LRRIQ3: variants seen among roughly 807,000 people sequenced by gnomAD.
The protein encoded by LRRIQ3 is leucine rich repeats and IQ motif containing 3.
LRRIQ3 carries 75 observed loss-of-function variants against 59.3 expected under a neutral mutation model. The observed-to-expected ratio is 1.26, with a 90% CI of 1.05 to 1.53. LRRIQ3 has a LOEUF of 1.53. Among genes scored for constraint, LRRIQ3 ranks in the 40% most tolerant of loss-of-function variants. The pLI, the probability that LRRIQ3 is intolerant of heterozygous loss-of-function variation, is 0.00. For synonymous variants in LRRIQ3, 250 were observed against 231.3 expected, an observed-to-expected ratio of 1.08 and a Z score of -0.73; for missense variants, 831 against 710.0, an observed-to-expected ratio of 1.17 and a Z score of -1.94.
At chr1:74,066,696 T>C (rs1241650420) in intron 6 of LRRIQ3, among the ~76,000 whole-genome samples, 1 of 152,156 alleles carries the variant, frequency 6.6e-6, no homozygotes, top group Non-Finnish European at 1.5e-5. Flanking sequence ...GCTATTTGAT[T>C]ATAATAAAAG....
At chr1:74,044,292 G>C (rs1654134371) in intron 6 of LRRIQ3, among the ~76,000 whole-genome samples, 1 of 152,062 alleles carries the variant, frequency 6.6e-6, no homozygotes, top group Non-Finnish European at 1.5e-5. Context: ...GTTGGATATT[G>C]GGCCTAGTGA....
intron 6 of LRRIQ3, among the ~76,000 whole-genome samples, chr1:74,042,487 C>G (rs1030460383): frequency 2.3e-4 from 35 of 152,022 alleles, no homozygotes; most frequent in African/African-American, 8.5e-4. Context: ...AGCTTGACTG[C>G]TGTGATTGGC....
chr1:74,148,154 T>A (rs1349509038), intron 4 of LRRIQ3, among the ~76,000 whole-genome samples: 8 of 152,210 alleles, frequency 5.3e-5, no homozygotes, highest in African/African-American at 1.9e-4. Flanking sequence ...GTCCTTACAT[T>A]GACATCTGTA....
chr1:74,149,449 AT>A (rs1230283951), intron 4 of LRRIQ3, among the ~76,000 whole-genome samples: 2 of 152,116 alleles, frequency 1.3e-5, no homozygotes, highest in African/African-American at 4.8e-5. Context: ...AAAAATTGTA[AT>A]TTTTGATATA....
At chr1:74,124,585 C>G (rs1385579971) in intron 4 of LRRIQ3, among the ~76,000 whole-genome samples, 3 of 151,902 alleles carry the variant, frequency 2.0e-5, no homozygotes, top group Non-Finnish European at 4.4e-5. Flanking sequence ...TGCAGATACC[C>G]AATTTTCCCA....
chr1:74,154,922 C>T (rs1323236071), intron 4 of LRRIQ3, among the ~76,000 whole-genome samples: 1 of 152,152 alleles, frequency 6.6e-6, no homozygotes, highest in Non-Finnish European at 1.5e-5. Context: ...ATTCCTCATA[C>T]TTGTTTCTCT....
At chr1:74,152,934 T>C (rs1016714595) in intron 4 of LRRIQ3, among the ~76,000 whole-genome samples, 1 of 152,132 alleles carries the variant, frequency 6.6e-6, no homozygotes, top group Non-Finnish European at 1.5e-5. Context: ...TATATTAGCC[T>C]CCCCACCAAG....
Position 74,120,191 on chromosome 1 carries a change from C to T in LRRIQ3, c.708-10638G>A, listed in dbSNP as rs1253660935. Reference sequence around the variant, plus strand: ...GGAGTACAGTGGCGTGATCTCGGCTCACTGCAACCTCCGCCTCCTGGGTTC... The same window carrying T: ...GGAGTACAGTGGCGTGATCTCGGCTTACTGCAACCTCCGCCTCCTGGGTTC... On this transcript the variant is annotated intron_variant, in intron 4 of 7. Coordinates refer to ENST00000354431, the MANE Select transcript of LRRIQ3 (RefSeq NM_001105659.2). Among the ~76,000 whole-genome samples, 3 of 151,192 alleles carry T rather than the reference C, an allele frequency of 2.0e-5. No individual in the cohort carries two copies. In the East Asian group the frequency reaches 5.9e-4, roughly 29 times the overall value.
At chr1:74,124,792 T>C (rs1332974724) in intron 4 of LRRIQ3, among the ~76,000 whole-genome samples, 1 of 152,040 alleles carries the variant, frequency 6.6e-6, no homozygotes, top group Non-Finnish European at 1.5e-5. Flanking sequence ...TCAGGTAATA[T>C]GATTCCTCCT....
intron 6 of LRRIQ3, among the ~76,000 whole-genome samples, chr1:74,061,450 C>T (rs1305233017): frequency 6.6e-6 from 1 of 151,996 alleles, no homozygotes; most frequent in Admixed American, 6.6e-5. Flanking sequence ...TTTTAAAATT[C>T]GTATGGAACC....
chr1:74,080,251 T>A (rs573757475), intron 5 of LRRIQ3, among the ~76,000 whole-genome samples: 1 of 151,656 alleles, frequency 6.6e-6, no homozygotes, highest in South Asian at 2.1e-4. Context: ...CTATAATAGG[T>A]ATAGAAGTGG....
intron 5 of LRRIQ3, among the ~76,000 whole-genome samples, chr1:74,076,174 A>T (rs1042889191): frequency 9.9e-5 from 15 of 152,124 alleles, no homozygotes; most frequent in East Asian, 3.9e-4. Flanking sequence ...TTTACATATT[A>T]AAAAACTTTC....
chr1:74,092,311 T>A (rs971421083), intron 5 of LRRIQ3, among the ~76,000 whole-genome samples: 35 of 152,240 alleles, frequency 2.3e-4, no homozygotes, highest in African/African-American at 7.7e-4. Flanking sequence ...TGAACAAACA[T>A]ATTAGTATCA....
intron 5 of LRRIQ3, among the ~76,000 whole-genome samples, chr1:74,079,043 A>G (rs1439345601): frequency 6.6e-6 from 1 of 151,790 alleles, no homozygotes; most frequent in African/African-American, 2.4e-5. Flanking sequence ...TCTCTATTCT[A>G]CAGCTATAAT....
chr1:74,192,066 T>C (rs1364274562), intron 1 of LRRIQ3, among the ~76,000 whole-genome samples: 2 of 152,124 alleles, frequency 1.3e-5, no homozygotes, highest in Admixed American at 6.6e-5. Context: ...TCAGATTATA[T>C]GTAGGTTCTT....
At chr1:74,113,084 A>G (rs950968471) in intron 4 of LRRIQ3, among the ~76,000 whole-genome samples, 2 of 152,120 alleles carry the variant, frequency 1.3e-5, no homozygotes, top group African/African-American at 2.4e-5. Flanking sequence ...AATCAAATAC[A>G]TTTAAAGGCA....
At chr1:74,034,002 CT>C (rs1436762990) in intron 7 of LRRIQ3, among the ~76,000 whole-genome samples, 1 of 151,948 alleles carries the variant, frequency 6.6e-6, no homozygotes, top group African/African-American at 2.4e-5. Context: ...CAAAGTCTAT[CT>C]TTAATTAATG....
At chr1:74,030,675 C>G (rs1653678299) in intron 7 of LRRIQ3, among the ~76,000 whole-genome samples, 2 of 152,108 alleles carry the variant, frequency 1.3e-5, no homozygotes, top group Non-Finnish European at 1.5e-5. Flanking sequence ...AAAACCTAGG[C>G]AATACCATTC....
intron 4 of LRRIQ3, among the ~76,000 whole-genome samples, chr1:74,120,260 G>A (rs1436606394): frequency 1.3e-5 from 2 of 151,758 alleles, no homozygotes; most frequent in African/African-American, 4.8e-5. Flanking sequence ...TGGAATTACA[G>A]GTGCATGCAA....
Sources: allele counts gnomAD v4.1 joint callset (sites outside exome capture counted in the v4.1 genomes callset), GRCh38; gene constraint gnomAD v4.1.1; transcripts MANE v1.5; gene names NCBI Gene and HGNC (gene_info 2026-07-23, HGNC 2026-07-21).